Variants in NDRG3 observed in about 807,000 individuals in gnomAD.
NDRG3 encodes NDRG family member 3, also known as protein NDRG3.
In NDRG3, 23 loss-of-function variants were observed where a neutral mutation model predicts 57.2. That is an observed-to-expected ratio of 0.40 (90% CI 0.29 to 0.57). The LOEUF is 0.57. Ranked by LOEUF, NDRG3 falls within the 20% of genes least tolerant of loss-of-function variation. NDRG3 has a pLI of 0.42. For synonymous variants in NDRG3, 132 were observed against 162.6 expected (o/e 0.81, Z 1.43); for missense variants, 384 against 457.3 (o/e 0.84, Z 1.46).
At chr20:36,741,946 G>A (rs148954750) in intron 1 of NDRG3, among the ~76,000 whole-genome samples, 2 of 152,112 alleles carry the variant, frequency 1.3e-5, no homozygotes, top group Non-Finnish European at 2.9e-5. Context: ...TTTTTTTACT[G>A]TCCGTTAAAC....
chr20:36,665,150 CTGAACACCAAATTAGTCTATGAAAGTCTA>C lies in NDRG3; in HGVS notation c.758+57_759-54del, dbSNP rs1248905824. 5.0e-6 allele frequency: 8 copies of C among 1,609,838 alleles called. No individual in the cohort carries two copies. In the East Asian group the frequency reaches 8.9e-5, roughly 18 times the overall value. On this transcript the variant is annotated intron_variant, in intron 11 of 15. Transcript: ENST00000349004. ...TCAGCAAATAGGCACATAAATTCCACTGAACACCAAATTAGTCTATGAAAGTCTATGAACACCAAATTAGTCTATATTTG... is the reference window on the plus strand; with the variant it reads ...TCAGCAAATAGGCACATAAATTCCACTGAACACCAAATTAGTCTATATTTG...
Position 36,653,603 on chromosome 20 carries a change from TG to T in NDRG3, c.1044del (p.Ser349AlafsTer43). ...SGESPFSRSVTSNQSDGTQES... is the reference protein window; with the variant it reads ...SGESPFSRSVXSNQSDGTQES... ...TCTTGAGTTCCATCTGACTGATTGC[TG>T]GTGACAGACCGGCTGAAGGGACTTT... On this transcript the variant is annotated frameshift_variant, in exon 16 of 16. Transcript: ENST00000349004. LOFTEE classifies it high-confidence loss of function. The surrounding 1 kb of genome is among the most constrained non-coding windows in gnomAD (Gnocchi z 4.2). The T allele has an allele frequency of 6.2e-7, 1 of 1,614,176 alleles. No homozygotes were observed. Among genetic ancestry groups the T allele is most frequent in the South Asian group, 1.1e-5 (1 of 91,082 alleles).
At chr20:36,735,313 C>T (rs569732790) in intron 1 of NDRG3, among the ~76,000 whole-genome samples, 4 of 152,216 alleles carry the variant, frequency 2.6e-5, no homozygotes, top group South Asian at 2.1e-4. Flanking sequence ...TTGGAGCACT[C>T]GGATTTTAGA....
rs538568446 is a variant in NDRG3 at position 36,711,278 on chromosome 20, CA to C, written c.58-4272del. ...TGGGCGACAGTGCGAGACTCCGTCT[CA>C]AAAAAAAAATAATAATAATAAATAA... On this transcript the variant is annotated intron_variant, in intron 2 of 15. Transcript: ENST00000349004. 7.3e-3 allele frequency among the ~76,000 whole-genome samples: 1,042 copies of C among 141,852 alleles called. 13 individuals carry two copies. The highest frequency in any genetic ancestry group is 0.025 in the African/African-American group (970 of 38,448). The allele number at this position is 141,852 out of a possible 152,430, so 93.1% of individuals were successfully genotyped here.
intron 8 of NDRG3, among the ~76,000 whole-genome samples, chr20:36,676,811 G>C (rs557761446): frequency 6.6e-6 from 1 of 152,372 alleles, no homozygotes; most frequent in Non-Finnish European, 1.5e-5. Flanking sequence ...AGTGATGGCA[G>C]TGGCTGCTGC....
At chr20:36,733,145 T>C (rs1985377511) in intron 1 of NDRG3, among the ~76,000 whole-genome samples, 1 of 12,536 alleles carries the variant, frequency 8.0e-5, no homozygotes, top group African/African-American at 3.8e-4. Flanking sequence ...CGATCCTGTC[T>C]CAAAAAAAAA....
intron 8 of NDRG3, 42 bp downstream of exon 8, chr20:36,680,774 T>C (rs1981212116): frequency 6.5e-7 from 1 of 1,533,290 alleles, no homozygotes; most frequent in African/African-American, 1.4e-5. Context: ...TGTTTTGAGA[T>C]GGGCCAAGAT....
intron 1 of NDRG3, among the ~76,000 whole-genome samples, chr20:36,736,685 CAGGAG>C (rs1985626108): frequency 6.6e-6 from 1 of 152,126 alleles, no homozygotes; most frequent in East Asian, 1.9e-4. Context: ...CAAAGGATCT[CAGGAG>C]ACTCCCCCAG....
In NDRG3 at chr20:36,721,798, AAAG is replaced by A. The variant is rs1984611076; in HGVS notation, c.-48-18_-48-16del. On this transcript the variant is annotated splice_polypyrimidine_tract_variant and intron_variant, in intron 1 of 15. Coordinates refer to ENST00000349004, the MANE Select transcript of NDRG3 (RefSeq NM_032013.4). Reference sequence around the variant, plus strand: ...AATCAGTAACTCTGAAACAGAAAAGAAAGAAGTGAAGAAAAAGGCTTAAGCCAG... The same window carrying A: ...AATCAGTAACTCTGAAACAGAAAAGAAAGTGAAGAAAAAGGCTTAAGCCAG... 30 of 1,210,214 alleles carry A rather than the reference AAAG, an allele frequency of 2.5e-5. No individual in the cohort carries two copies. In the East Asian group the frequency reaches 7.0e-4, roughly 28 times the overall value. The allele number at this position is 1,210,214 out of a possible 1,614,324, so 75.0% of individuals were successfully genotyped here.
chr20:36,695,538 T>C (rs1982705815), intron 3 of NDRG3, among the ~76,000 whole-genome samples: 1 of 152,168 alleles, frequency 6.6e-6, no homozygotes, highest in Non-Finnish European at 1.5e-5. Flanking sequence ...GGGGGATCTC[T>C]AAAATGGCCG....
chr20:36,675,713 G>A (rs1980629129), intron 8 of NDRG3, among the ~76,000 whole-genome samples: 2 of 151,302 alleles, frequency 1.3e-5, no homozygotes, highest in Non-Finnish European at 2.9e-5. Flanking sequence ...GTAGAGATGG[G>A]GTCTCACTAT....
chr20:36,705,265 G>A (rs960856848), intron 3 of NDRG3, among the ~76,000 whole-genome samples: 31 of 149,566 alleles, frequency 2.1e-4, no homozygotes, highest in Non-Finnish European at 1.8e-4. Flanking sequence ...AGGCTGCAGT[G>A]AGCCAGTATC....
intron 15 of NDRG3, among the ~76,000 whole-genome samples, chr20:36,654,629 T>C (rs1004241230): frequency 7.2e-5 from 11 of 152,196 alleles, no homozygotes; most frequent in Non-Finnish European, 1.5e-4. Context: ...AACCAGATCC[T>C]TTCCTCCTCC....
intron 5 of NDRG3, among the ~76,000 whole-genome samples, chr20:36,687,083 C>T (rs1422498579): frequency 6.6e-6 from 1 of 151,912 alleles, no homozygotes; most frequent in African/African-American, 2.4e-5. Context: ...GGTCTTGAAC[C>T]CCGGGGCTCA....
At position 36,687,531 on chromosome 20, in the gene NDRG3, G is replaced by C. The variant is rs202060870; in HGVS notation, c.281C>G (p.Ala94Gly). ...TQHFAVCHVD[A>G]PGQQEGAPSF... ...GGGTGCACCTTCCTGCTGGCCTGGGGCATCCACATGACAGACAGCAAAGTG... is the reference window on the plus strand; with the variant it reads ...GGGTGCACCTTCCTGCTGGCCTGGGCCATCCACATGACAGACAGCAAAGTG... The change falls in exon 5 of 16, where the codon GCC becomes GGC. Residue 94 changes from alanine (A) to glycine (G), a missense_variant. Transcript: ENST00000349004. 3.7e-6 allele frequency: 6 copies of C among 1,613,758 alleles called. No homozygotes were observed. The highest frequency in any genetic ancestry group is 5.1e-6 in the Non-Finnish European group (6 of 1,179,952).
chr20:36,698,644 C>T (rs1568652017), intron 3 of NDRG3, among the ~76,000 whole-genome samples: 1 of 151,158 alleles, frequency 6.6e-6, no homozygotes, highest in Non-Finnish European at 1.5e-5. Context: ...ACAGTTCAAA[C>T]CTGTGTTGGT....
intron 7 of NDRG3, among the ~76,000 whole-genome samples, chr20:36,681,584 C>A (rs1315139501): frequency 6.6e-5 from 9 of 136,782 alleles, no homozygotes; most frequent in African/African-American, 2.0e-4. Context: ...TGCAGTGAGC[C>A]GAGATTGCAC....
At chr20:36,685,222 G>A (rs2148111024) in intron 5 of NDRG3, among the ~76,000 whole-genome samples, 1 of 152,174 alleles carries the variant, frequency 6.6e-6, no homozygotes, top group East Asian at 1.9e-4. Flanking sequence ...TGGGCACACA[G>A]TTACAAACCC....
At chr20:36,696,807 A>G (rs1378372906) in intron 3 of NDRG3, among the ~76,000 whole-genome samples, 2 of 152,116 alleles carry the variant, frequency 1.3e-5, no homozygotes, top group African/African-American at 2.4e-5. Flanking sequence ...GGCCTTTTCT[A>G]TAACAACAAT....
Sources: allele counts gnomAD v4.1 joint callset (sites outside exome capture counted in the v4.1 genomes callset), GRCh38; gene constraint gnomAD v4.1.1; non-coding constraint Gnocchi (gnomAD v3.1); transcripts MANE v1.5; gene names NCBI Gene and HGNC (gene_info 2026-07-23, HGNC 2026-07-21).